BRINP3: variants seen among roughly 807,000 people sequenced by gnomAD.
The protein encoded by BRINP3 is BMP/retinoic acid inducible neural specific 3, also known as BMP/retinoic acid-inducible neural-specific protein 3.
In BRINP3, 19 loss-of-function variants were observed where a neutral mutation model predicts 71.0. The observed-to-expected ratio is 0.27, with a 90% CI of 0.19 to 0.39. The LOEUF is 0.39. BRINP3 is among the 10% of genes least tolerant of loss of function. The pLI is 1.00. For synonymous variants in BRINP3, 380 were observed against 337.7 expected, an observed-to-expected ratio of 1.13 and a Z score of -1.37; for missense variants, 959 against 940.8, an observed-to-expected ratio of 1.02 and a Z score of -0.25.
intron 1 of BRINP3, among the ~76,000 whole-genome samples, chr1:190,460,092 AT>A (rs1186111540): frequency 2.6e-5 from 4 of 152,020 alleles, no homozygotes; most frequent in African/African-American, 9.7e-5. Flanking sequence ...GTTTCTTAAC[AT>A]TAATGCTTAC....
chr1:190,386,530 A>G (rs1670923177), intron 2 of BRINP3, among the ~76,000 whole-genome samples: 1 of 151,990 alleles, frequency 6.6e-6, no homozygotes, highest in African/African-American at 2.4e-5. Flanking sequence ...TTCTCTTTAA[A>G]TCTCTGTTAG....
chr1:190,169,751 A>G (rs936222254), intron 6 of BRINP3, among the ~76,000 whole-genome samples: 6 of 152,194 alleles, frequency 3.9e-5, no homozygotes, highest in Admixed American at 1.3e-4. Flanking sequence ...ATGAAATTAT[A>G]TAATTACTAT....
intron 6 of BRINP3, among the ~76,000 whole-genome samples, chr1:190,190,882 T>C (rs1396236140): frequency 1.3e-5 from 2 of 152,120 alleles, no homozygotes; most frequent in East Asian, 1.9e-4. Flanking sequence ...CTTCACCAAA[T>C]AGAATAGGAT....
chr1:190,378,511 T>A (rs1670322592), intron 2 of BRINP3, among the ~76,000 whole-genome samples: 1 of 152,238 alleles, frequency 6.6e-6, no homozygotes, highest in Admixed American at 6.6e-5. Context: ...AAATAGTGTA[T>A]TCCTTTGGGA....
At chr1:190,270,562 A>C (rs188416992) in intron 3 of BRINP3, among the ~76,000 whole-genome samples, 2 of 151,902 alleles carry the variant, frequency 1.3e-5, no homozygotes, top group Non-Finnish European at 3.0e-5. Context: ...TACTCATAGT[A>C]GTACGGTTTT....
chr1:190,281,551 G>C lies in BRINP3; in HGVS notation c.427+9C>G. 6.2e-7 allele frequency: 1 copy of C among 1,610,882 alleles called. No homozygotes were observed. The highest frequency in any genetic ancestry group is 8.5e-7 in the Non-Finnish European group (1 of 1,178,200). On this transcript the variant is annotated intron_variant, in intron 3 of 7. Coordinates refer to ENST00000367462, the MANE Select transcript of BRINP3 (RefSeq NM_199051.3). Reference sequence around the variant, plus strand: ...ACACACAGGCACAAATAGGTTCAAAGAGCCGTACCTCCCAGAGTAGCAGAT... The same window carrying C: ...ACACACAGGCACAAATAGGTTCAAACAGCCGTACCTCCCAGAGTAGCAGAT...
chr1:190,393,390 G>A (rs1027701389), intron 2 of BRINP3, among the ~76,000 whole-genome samples: 3 of 151,434 alleles, frequency 2.0e-5, no homozygotes, highest in Admixed American at 6.6e-5. Flanking sequence ...AGATGCTAAC[G>A]TGGGACCAGG....
At chr1:190,176,495 G>C (rs1652519217) in intron 6 of BRINP3, among the ~76,000 whole-genome samples, 1 of 152,154 alleles carries the variant, frequency 6.6e-6, no homozygotes, top group Non-Finnish European at 1.5e-5. Context: ...CTATGTGACA[G>C]GTACATGAAA....
intron 1 of BRINP3, among the ~76,000 whole-genome samples, chr1:190,460,953 C>A (rs764739311): frequency 1.3e-5 from 2 of 152,166 alleles, no homozygotes; most frequent in African/African-American, 4.8e-5. Flanking sequence ...ACAATACCAA[C>A]TTTGCCTCTA....
At chr1:190,436,605 A>T (rs573674237) in intron 2 of BRINP3, among the ~76,000 whole-genome samples, 46 of 152,054 alleles carry the variant, frequency 3.0e-4, no homozygotes, top group African/African-American at 1.1e-3. Flanking sequence ...TCATTTTTTT[A>T]AAATGATCTT....
chr1:190,101,486 A>T (rs74697200), intron 7 of BRINP3, among the ~76,000 whole-genome samples: 4,648 of 152,220 alleles, frequency 0.031, 244 homozygotes, highest in African/African-American at 0.1. Flanking sequence ...CATCATTTAC[A>T]GTTACTGACA....
chr1:190,161,733 T>C (rs1650985032), intron 6 of BRINP3, among the ~76,000 whole-genome samples: 1 of 152,122 alleles, frequency 6.6e-6, no homozygotes, highest in Non-Finnish European at 1.5e-5. Flanking sequence ...TGGAAACAAC[T>C]AGACGGTTAA....
intron 2 of BRINP3, among the ~76,000 whole-genome samples, chr1:190,359,451 A>G (rs1356610377): frequency 6.6e-6 from 1 of 152,056 alleles, no homozygotes; most frequent in East Asian, 1.9e-4. Flanking sequence ...TGCCTATATA[A>G]TGAGGCCCCA....
chr1:190,281,837 A>T (rs1265272737), intron 2 of BRINP3, 87 bp from the exon 3 acceptor site: 18 of 1,230,952 alleles, frequency 1.5e-5, no homozygotes, highest in Non-Finnish European at 1.9e-5. Flanking sequence ...GGGTCAGTAC[A>T]TTACAATGTC....
chr1:190,457,152 C>G (rs1233761409), intron 1 of BRINP3, among the ~76,000 whole-genome samples: 1 of 152,038 alleles, frequency 6.6e-6, no homozygotes, highest in Non-Finnish European at 1.5e-5. Flanking sequence ...TGTTAAAATT[C>G]TAGCCCTGGC....
intron 2 of BRINP3, among the ~76,000 whole-genome samples, chr1:190,357,004 C>A (rs1161898377): frequency 6.6e-6 from 1 of 151,976 alleles, no homozygotes; most frequent in Non-Finnish European, 1.5e-5. Context: ...AATGCTTTCA[C>A]AGACACATGG....
At chr1:190,439,934 A>G (rs1674706067) in intron 2 of BRINP3, among the ~76,000 whole-genome samples, 1 of 152,060 alleles carries the variant, frequency 6.6e-6, no homozygotes, top group Non-Finnish European at 1.5e-5. Context: ...AACTAGTCAT[A>G]GTGCATTAGT....
chr1:190,225,986 C>T (rs1657333722), intron 6 of BRINP3, 96 bp downstream of exon 6: 1 of 808,730 alleles, frequency 1.2e-6, no homozygotes, highest in Non-Finnish European at 1.9e-6. Context: ...AAAATCTTTC[C>T]AACTATGTAA....
intron 2 of BRINP3, among the ~76,000 whole-genome samples, chr1:190,291,518 A>C (rs2102968180): frequency 6.6e-6 from 1 of 152,282 alleles, no homozygotes; most frequent in South Asian, 2.1e-4. Context: ...ATTTCTCAAA[A>C]GAAGATCTAA....
Sources: gnomAD v4.1 joint callset for allele counts (sites outside exome capture counted in the v4.1 genomes callset) on GRCh38, gnomAD v4.1.1 for gene constraint, MANE v1.5 for transcripts, NCBI Gene and HGNC (gene_info 2026-07-23, HGNC 2026-07-21) for gene names.